Variants in PTPRD observed in about 807,000 individuals in gnomAD.
PTPRD encodes protein tyrosine phosphatase receptor type D, also known as receptor-type tyrosine-protein phosphatase delta.
PTPRD carries 34 observed loss-of-function variants against 214.5 expected under a neutral mutation model. That is an observed-to-expected ratio of 0.16 (90% confidence interval 0.12 to 0.21). The LOEUF (loss-of-function observed/expected upper bound fraction) is 0.21. PTPRD is among the 10% of genes least tolerant of loss of function. PTPRD has a pLI of 1.00. For missense variants in PTPRD, 2,545 were observed against 2,398.7 expected, an observed-to-expected ratio of 1.06 and a Z score of -1.27; for synonymous variants, 1,128 against 845.7, an observed-to-expected ratio of 1.33 and a Z score of -5.79.
intron 2 of PTPRD, among the ~76,000 whole-genome samples, chr9:10,507,102 C>A (rs1013357141): frequency 3.9e-5 from 6 of 151,948 alleles, no homozygotes. Flanking sequence ...AGCAAAGTCT[C>A]GGGATAAAAA....
At chr9:8,850,037 G>C (rs1347741145) in intron 11 of PTPRD, among the ~76,000 whole-genome samples, 1 of 152,136 alleles carries the variant, frequency 6.6e-6, no homozygotes, top group Admixed American at 6.5e-5. Context: ...AGAACAAAAG[G>C]AAGAAAAGAG....
At chr9:9,454,676 A>G (rs1413639557) in intron 8 of PTPRD, among the ~76,000 whole-genome samples, 1 of 151,714 alleles carries the variant, frequency 6.6e-6, no homozygotes, top group Non-Finnish European at 1.5e-5. Flanking sequence ...AATTACATAT[A>G]GTTTATTCTT....
At chr9:8,732,191 T>C (rs969880032) in intron 12 of PTPRD, among the ~76,000 whole-genome samples, 1 of 152,214 alleles carries the variant, frequency 6.6e-6, no homozygotes, top group Non-Finnish European at 1.5e-5. Flanking sequence ...AAACTCCACA[T>C]CTGTCTGCCA....
chr9:8,809,421 A>T (rs1157932813), intron 11 of PTPRD, among the ~76,000 whole-genome samples: 1 of 152,170 alleles, frequency 6.6e-6, no homozygotes, highest in Non-Finnish European at 1.5e-5. Flanking sequence ...AAGGTCTCAT[A>T]GGCCTAACAG....
chr9:9,498,586 T>C (rs1054068482), intron 8 of PTPRD, among the ~76,000 whole-genome samples: 2 of 151,888 alleles, frequency 1.3e-5, no homozygotes, highest in Admixed American at 6.6e-5. Context: ...TTTACTGGGG[T>C]TGAGAAAAGA....
At chr9:9,840,822 C>G (rs10759094) in intron 5 of PTPRD, among the ~76,000 whole-genome samples, 117,918 of 144,182 alleles carry the variant, frequency 0.82, 48,165 homozygotes, top group East Asian at 0.93. Context: ...GGGAAATACA[C>G]TGGAATGCAA....
chr9:8,537,438 A>C (rs1359240285), intron 14 of PTPRD, among the ~76,000 whole-genome samples: 3 of 152,002 alleles, frequency 2.0e-5, no homozygotes, highest in Non-Finnish European at 4.4e-5. Context: ...AAGATACAAA[A>C]ATTTTTTTCC....
chr9:8,376,071 C>G lies in PTPRD; in HGVS notation c.4526G>C (p.Arg1509Thr), dbSNP rs2083154146. 2.5e-6 allele frequency: 4 copies of G among 1,612,728 alleles called. No individual in the cohort carries two copies. The highest frequency in any genetic ancestry group is 1.1e-5 in the South Asian group (1 of 91,056). The change falls in exon 39 of 46, where the codon AGA becomes ACA. Residue 1509 changes from arginine to threonine, a missense_variant. Physicochemically the swap from Arg to Thr is moderately conservative, Grantham distance 71. Coordinates refer to ENST00000381196, the MANE Select transcript of PTPRD (RefSeq NM_002839.4). ...GGTGAACTGGAATTGTCTCACTTCT[C>G]TCTTCTCACTTGAACCATTCTGTGA... The part of the protein sequence containing the change: ...ALYKNGSSEK[R>T]EVRQFQFTAW...
chr9:10,170,385 A>T (rs982478943), intron 3 of PTPRD, among the ~76,000 whole-genome samples: 1 of 152,136 alleles, frequency 6.6e-6, no homozygotes, highest in Non-Finnish European at 1.5e-5. Flanking sequence ...GAAAAAATAA[A>T]ATCGTGTTTT....
At chr9:8,477,702 G>C (rs1046592730) in intron 30 of PTPRD, among the ~76,000 whole-genome samples, 1 of 152,108 alleles carries the variant, frequency 6.6e-6, no homozygotes, top group African/African-American at 2.4e-5. Context: ...TCTGTGATCT[G>C]TACCCAAGCA....
chr9:8,628,951 T>C (rs1231366591), intron 14 of PTPRD, among the ~76,000 whole-genome samples: 1 of 151,814 alleles, frequency 6.6e-6, no homozygotes, highest in African/African-American at 2.4e-5. Flanking sequence ...AGAGCAGCAG[T>C]GTTGTATATC....
chr9:8,456,694 A>G (rs776180804), intron 33 of PTPRD, among the ~76,000 whole-genome samples: 1 of 152,164 alleles, frequency 6.6e-6, no homozygotes, highest in South Asian at 2.1e-4. Flanking sequence ...AAAGGCTGGA[A>G]AAACTGAAGC....
intron 2 of PTPRD, among the ~76,000 whole-genome samples, chr9:10,447,915 G>A (rs1404523844): frequency 6.6e-6 from 1 of 152,026 alleles, no homozygotes; most frequent in Non-Finnish European, 1.5e-5. Context: ...CACAACCTAT[G>A]TGCTGAGAAT....
At chr9:9,778,243 CG>C (rs1341113229) in intron 5 of PTPRD, among the ~76,000 whole-genome samples, 2 of 152,100 alleles carry the variant, frequency 1.3e-5, no homozygotes, top group African/African-American at 2.4e-5. Context: ...TTCCCAGCCC[CG>C]AATGGCTCCT....
chr9:9,217,260 T>C (rs1047704196), intron 9 of PTPRD, among the ~76,000 whole-genome samples: 3 of 152,118 alleles, frequency 2.0e-5, no homozygotes, highest in Admixed American at 1.3e-4. Context: ...AGAACCTACT[T>C]TATAAGGGTC....
intron 43 of PTPRD, among the ~76,000 whole-genome samples, chr9:8,332,875 T>C (rs7871988): frequency 0.045 from 6,820 of 152,232 alleles, 521 homozygotes; most frequent in African/African-American, 0.16. Context: ...GCCTTCAACT[T>C]GTTCCTCCAT....
chr9:8,485,478 A>G (rs1253599800), intron 28 of PTPRD, 154 bp from the exon 29 acceptor site: 3 of 630,790 alleles, frequency 4.8e-6, no homozygotes, highest in Non-Finnish European at 5.5e-6. Flanking sequence ...ATTCATTTTA[A>G]TACCCCATTC....
At chr9:8,326,209 T>C (rs1443357146) in intron 44 of PTPRD, among the ~76,000 whole-genome samples, 1 of 152,230 alleles carries the variant, frequency 6.6e-6, no homozygotes, top group Non-Finnish European at 1.5e-5. Context: ...TGTGCGTTTG[T>C]CATAAATAGC....
intron 14 of PTPRD, among the ~76,000 whole-genome samples, chr9:8,627,317 C>T (rs547723869): frequency 9.7e-4 from 147 of 151,844 alleles, no homozygotes; most frequent in African/African-American, 3.2e-3. Flanking sequence ...TGGCCAAACC[C>T]GATGAAAATC....
Sources: allele counts gnomAD v4.1 joint callset (sites outside exome capture counted in the v4.1 genomes callset), GRCh38; gene constraint gnomAD v4.1.1; transcripts MANE v1.5; gene names NCBI Gene and HGNC (gene_info 2026-07-23, HGNC 2026-07-21).